ENG: variants seen among roughly 807,000 people sequenced by gnomAD.
ENG encodes CD105 antigen.
A neutral mutation model predicts 71.0 loss-of-function variants in ENG; 17 were observed. The ratio of observed to expected loss-of-function variants is 0.24; its 90% CI spans 0.16 to 0.36. The LOEUF is 0.36. ENG is among the 10% of genes least tolerant of loss of function. The pLI is 1.00. For synonymous variants in ENG, 360 were observed against 366.9 expected (o/e 0.98, Z 0.21); for missense variants, 749 against 868.3 (o/e 0.86, Z 1.73).
intron 13 of ENG, chr9:127,816,375 C>T (rs913343918): frequency 1.6e-5 from 7 of 441,912 alleles, no homozygotes. Context: ...AGTACAGAGC[C>T]TGCCCCACCT....
At chr9:127,852,851 T>C (rs2049665200) in intron 1 of ENG, among the ~76,000 whole-genome samples, 1 of 152,128 alleles carries the variant, frequency 6.6e-6, no homozygotes. Flanking sequence ...CAGCAGCATA[T>C]CACTGCCTTT....
intron 1 of ENG, 96 bp downstream of exon 1, chr9:127,854,193 G>A (rs558404062): frequency 5.1e-5 from 67 of 1,316,212 alleles, no homozygotes; most frequent in African/African-American, 3.1e-4. Context: ...TCTGCTGGGC[G>A]TGAGCTCAGG....
At position 127,815,515 on chromosome 9, in the gene ENG, GGCTGCA is replaced by G. The variant is rs1830284126; in HGVS notation, c.*161_*166del. Reference sequence around the variant, plus strand: ...GGACCCCAAGGTGTTCCAAGCCAGTGGCTGCACTGGCAGCAGGCCTCTGAGAGGGAG... The same window carrying G: ...GGACCCCAAGGTGTTCCAAGCCAGTGCTGGCAGCAGGCCTCTGAGAGGGAG... On this transcript the variant is annotated 3_prime_UTR_variant, in exon 15 of 15. Coordinates refer to ENST00000373203, the MANE Select transcript of ENG (RefSeq NM_001114753.3). 7.5e-7 allele frequency: 1 copy of G among 1,340,206 alleles called. No homozygotes were observed. The highest frequency in any genetic ancestry group is 1.5e-5 in the African/African-American group (1 of 67,954). 83.0% of individuals were successfully genotyped at this position (1,340,206 alleles called of 1,614,324 possible).
intron 2 of ENG, among the ~76,000 whole-genome samples, chr9:127,842,016 A>T (rs1831045234): frequency 6.6e-6 from 1 of 152,208 alleles, no homozygotes; most frequent in African/African-American, 2.4e-5. Context: ...CACAGTCTCT[A>T]GCACATAGCG....
At chr9:127,819,458 C>T (rs1340828585) in intron 10 of ENG, 164 bp downstream of exon 10, 2 of 872,124 alleles carry the variant, frequency 2.3e-6, no homozygotes. Flanking sequence ...GCGTCACCCT[C>T]AGCAGTCCTG....
intron 1 of ENG, among the ~76,000 whole-genome samples, chr9:127,850,376 C>T (rs1402291646): frequency 6.6e-6 from 1 of 152,268 alleles, no homozygotes; most frequent in Non-Finnish European, 1.5e-5. Context: ...ACCTCCAGCC[C>T]TGGGGCAAAA....
intron 8 of ENG, among the ~76,000 whole-genome samples, chr9:127,822,942 G>A (rs1830502502): frequency 6.6e-6 from 1 of 152,114 alleles, no homozygotes; most frequent in Non-Finnish European, 1.5e-5. Flanking sequence ...CCGGGTTCAA[G>A]CGATTCTCCT....
rs1051173047 is a variant in ENG, at chr9:127,836,124, C to A, written c.220-6297G>T. On this transcript the variant is annotated intron_variant, in intron 2 of 14. Coordinates refer to ENST00000373203, the MANE Select transcript of ENG (RefSeq NM_001114753.3). The surrounding 1 kb of genome is among the most constrained non-coding windows in gnomAD (Gnocchi z 4.0). Reference sequence around the variant, plus strand: ...CCTGACTCACCGCCACGGCCACTCACACGCACACCGACTTCCCCCTTCTCT... The same window carrying A: ...CCTGACTCACCGCCACGGCCACTCAAACGCACACCGACTTCCCCCTTCTCT... Among the ~76,000 whole-genome samples the A allele has an allele frequency of 2.4e-4, 37 of 152,236 alleles. 1 individual carries two copies. The highest frequency in any genetic ancestry group is 1.5e-5 in the Non-Finnish European group (1 of 68,048).
intron 2 of ENG, among the ~76,000 whole-genome samples, chr9:127,837,384 A>T (rs554616190): frequency 3.3e-5 from 5 of 152,162 alleles, no homozygotes; most frequent in African/African-American, 1.2e-4. Flanking sequence ...CTCCAGCCAG[A>T]TGGCCACAGA....
At chr9:127,828,811 C>G (rs1389340821) in intron 3 of ENG, among the ~76,000 whole-genome samples, 1 of 152,176 alleles carries the variant, frequency 6.6e-6, no homozygotes, top group Non-Finnish European at 1.5e-5. Context: ...TCGCTCAAGC[C>G]TGCCTCCCTC....
intron 1 of ENG, among the ~76,000 whole-genome samples, chr9:127,848,313 G>A (rs759459538): frequency 6.6e-5 from 10 of 151,560 alleles, no homozygotes; most frequent in East Asian, 3.9e-4. Flanking sequence ...TTGGAGAGTC[G>A]GGGTCTTGCT....
At chr9:127,827,650 ATTTT>A (rs964765785) in intron 3 of ENG, among the ~76,000 whole-genome samples, 4 of 152,150 alleles carry the variant, frequency 2.6e-5, no homozygotes, top group Non-Finnish European at 4.4e-5. Context: ...ATTTAAAAAT[ATTTT>A]TTATTATAAT....
intron 1 of ENG, among the ~76,000 whole-genome samples, chr9:127,852,073 C>T (rs1000954996): frequency 1.3e-5 from 2 of 152,198 alleles, no homozygotes; most frequent in Non-Finnish European, 2.9e-5. Flanking sequence ...CCGTCCATGG[C>T]AGTGTTCATA....
rs117415442 is a variant in ENG, at chr9:127,833,248, G to A, written c.220-3421C>T. On this transcript the variant is annotated intron_variant, in intron 2 of 14. Transcript: ENST00000373203. Reference sequence around the variant, plus strand: ...TGAGACTAAGACAGGTAGACCAGGCGTGGTGGCTTACGCCTGTAATCCCAG... The same window carrying A: ...TGAGACTAAGACAGGTAGACCAGGCATGGTGGCTTACGCCTGTAATCCCAG... Among the ~76,000 whole-genome samples, 631 of 152,280 alleles carry A rather than the reference G, an allele frequency of 4.1e-3. 26 individuals carry two copies. The East Asian group carries it at 0.094, about 23-fold the overall frequency.
At chr9:127,817,003 C>G in intron 13 of ENG, 146 bp downstream of exon 13, 1 of 891,178 alleles carries the variant, frequency 1.1e-6, no homozygotes, top group South Asian at 1.4e-5. Context: ...CTCTGGGAAG[C>G]CCTCCTCCTG....
chr9:127,848,329 T>G (rs4837189), intron 1 of ENG, among the ~76,000 whole-genome samples: 150,579 of 151,628 alleles, frequency 0.99, 74,773 homozygotes, highest in Middle Eastern at 1. Context: ...TTGCTCTGTT[T>G]CCCAGGCTGG....
intron 13 of ENG, 171 bp from the exon 14 acceptor site, chr9:127,816,224 G>C (rs1830311544): frequency 1.2e-6 from 1 of 850,012 alleles, no homozygotes. Flanking sequence ...GCCAGGCCTG[G>C]CATTGAGCCA....
chr9:127,843,133 G>A lies in ENG; in HGVS notation c.180C>T (p.Ala60=). 6.2e-7 allele frequency: 1 copy of A among 1,614,244 alleles called. No homozygotes were observed. The highest frequency in any genetic ancestry group is 1.7e-5 in the Admixed American group (1 of 60,032). ...GGAAGAGGACATGGACTTCAAGGAT[G>A]GCATTGGGGGCCTGAGCCACGCAGC... ...SKGCVAQAPN[A]ILEVHVLFLE... is the part of the protein sequence containing the mutation. The change falls in exon 2 of 15, where the codon GCC becomes GCT. Residue 60 remains alanine (A), a synonymous_variant. Coordinates refer to ENST00000373203, the MANE Select transcript of ENG (RefSeq NM_001114753.3).
Position 127,854,269 on chromosome 9 carries a change from C to G in ENG, c.67+20G>C. The G allele has an allele frequency of 6.4e-7, 1 of 1,572,592 alleles. No homozygotes were observed. The highest frequency in any genetic ancestry group is 8.6e-7 in the Non-Finnish European group (1 of 1,159,624). On this transcript the variant is annotated intron_variant, in intron 1 of 14. Coordinates refer to ENST00000373203, the MANE Select transcript of ENG (RefSeq NM_001114753.3). ...GCACCGGAGGCCGAGTCTCCCCACC[C>G]TGGGTCCCTGGACACCTACTTGTGG... is the stretch of plus-strand genomic sequence containing the variant.
Sources: gnomAD v4.1 joint callset for allele counts (sites outside exome capture counted in the v4.1 genomes callset) on GRCh38, gnomAD v4.1.1 for gene constraint, Gnocchi (gnomAD v3.1) non-coding constraint, MANE v1.5 for transcripts, NCBI Gene and HGNC (gene_info 2026-07-23, HGNC 2026-07-21) for gene names.